RPS18: variants seen among roughly 807,000 people sequenced by gnomAD.
RPS18 encodes ribosomal protein S18.
For synonymous variants in RPS18, 64 were observed against 70.9 expected (o/e 0.90, Z 0.49); for missense variants, 49 against 200.8 (o/e 0.24, Z 4.57).
At chr6:33,272,482 G>A (rs1765276095) in intron 1 of RPS18, 146 bp from the exon 2 acceptor site, 2 of 707,540 alleles carry the variant, frequency 2.8e-6, no homozygotes, top group African/African-American at 1.7e-5. Context: ...TTGCTCTGTG[G>A]TGTGAAAACC....
intron 2 of RPS18, among the ~76,000 whole-genome samples, chr6:33,273,977 A>G (rs2150878283): frequency 6.6e-6 from 1 of 152,340 alleles, no homozygotes; most frequent in African/African-American, 2.4e-5. Context: ...ATTTATCCCG[A>G]GACAGAGTCT....
At chr6:33,273,044 G>C (rs537065967) in intron 2 of RPS18, among the ~76,000 whole-genome samples, 2 of 152,278 alleles carry the variant, frequency 1.3e-5, no homozygotes, top group Admixed American at 6.5e-5. Flanking sequence ...TTCTAGATTC[G>C]GTTTCTTTAC....
rs559940638 is a variant in RPS18 at position 33,272,827 on chromosome 6, A to G, written c.102+101A>G. 1.0e-4 allele frequency: 77 copies of G among 751,854 alleles called. No individual in the cohort carries two copies. In the African/African-American group the frequency reaches 1.2e-3, roughly 12 times the overall value. The allele number at this position is 751,854 out of a possible 1,614,324, so 46.6% of individuals were successfully genotyped here. On this transcript the variant is annotated intron_variant, in intron 2 of 5. Transcript: ENST00000439602. The stretch of plus-strand genomic sequence containing the variant: ...GGCTGGGGAGACTTGAGTCTCATCC[A>G]GATCACCTTGACTGCTGGATTAAGA...
chr6:33,275,464 T>TG, intron 2 of RPS18: 1 of 290,872 alleles, frequency 3.4e-6, no homozygotes. Context: ...TACAGGCACC[T>TG]GCCACCATGC....
At chr6:33,276,364 C>CTGTG in intron 5 of RPS18, 27 bp from the exon 6 acceptor site, 1 of 1,612,666 alleles carries the variant, frequency 6.2e-7, no homozygotes, top group Admixed American at 1.7e-5. Context: ...TGTGCATGAC[C>CTGTG]TGTGACTCTT....
Position 33,276,220 on chromosome 6 carries a change from G to A in RPS18, c.336G>A (p.Glu112=). The change falls in exon 5 of 6, where the codon GAG becomes GAA. Residue 112 remains glutamate (E), a synonymous_variant. Coordinates refer to ENST00000439602, the MANE Select transcript of RPS18 (RefSeq NM_022551.3). Reference sequence around the variant, plus strand: ...ACAACAAGCTCCGTGAAGACCTGGAGCGACTGAAGAAGATTCGGGCCCATA... The same window carrying A: ...ACAACAAGCTCCGTGAAGACCTGGAACGACTGAAGAAGATTCGGGCCCATA... ...GLDNKLREDL[E]RLKKIRAHRG... The A allele has an allele frequency of 6.2e-7, 1 of 1,614,180 alleles. No individual in the cohort carries two copies. Among genetic ancestry groups the A allele is most frequent in the South Asian group, 1.1e-5 (1 of 91,078 alleles).
At chr6:33,274,748 A>G (rs1765514027) in intron 2 of RPS18, among the ~76,000 whole-genome samples, 1 of 152,106 alleles carries the variant, frequency 6.6e-6, no homozygotes, top group Non-Finnish European at 1.5e-5. Context: ...TCTAGAGCCC[A>G]CCCTAATCAA....
chr6:33,273,351 T>G (rs1423785246), intron 2 of RPS18, among the ~76,000 whole-genome samples: 2 of 152,238 alleles, frequency 1.3e-5, no homozygotes, highest in Admixed American at 6.5e-5. Flanking sequence ...ACAAACCTAA[T>G]GAATTCTTGG....
intron 2 of RPS18, among the ~76,000 whole-genome samples, chr6:33,274,141 C>T (rs1765478045): frequency 1.3e-5 from 2 of 152,214 alleles, no homozygotes; most frequent in African/African-American, 4.8e-5. Flanking sequence ...TGGTCTTAAA[C>T]TTCTGACCTC....
Position 33,272,898 on chromosome 6 carries a change from C to T in RPS18, c.102+172C>T, listed in dbSNP as rs552263396. The stretch of plus-strand genomic sequence containing the variant: ...AGACTGACCCCTTTAGCATTTACCA[C>T]AGAAAATAAGTGATTAAAGCCAAGA... On this transcript the variant is annotated intron_variant, in intron 2 of 5. Coordinates refer to ENST00000439602, the MANE Select transcript of RPS18 (RefSeq NM_022551.3). Among the ~76,000 whole-genome samples the T allele has an allele frequency of 1.2e-4, 18 of 152,226 alleles. No individual in the cohort carries two copies. In the South Asian group the frequency reaches 3.7e-3, roughly 31 times the overall value.
intron 5 of RPS18, 34 bp downstream of exon 5, chr6:33,276,301 G>GACTCAGCATTCCTCCT: frequency 1.2e-6 from 2 of 1,605,356 alleles, no homozygotes; most frequent in Non-Finnish European, 1.7e-6. Flanking sequence ...TGCCTACCTC[G>GACTCAGCATTCCTCCT]ACTCAGCATT....
At chr6:33,275,211 CAACT>C (rs1467773674) in intron 2 of RPS18, 1 of 154,450 alleles carries the variant, frequency 6.5e-6, no homozygotes, top group African/African-American at 2.4e-5. Flanking sequence ...CACTTAGTGA[CAACT>C]ACATATGCTG....
chr6:33,276,099 A>G, intron 4 of RPS18, 33 bp downstream of exon 4: 1 of 1,605,440 alleles, frequency 6.2e-7, no homozygotes. Context: ...GATTAGAGGA[A>G]GGGTGGAGGG....
At chr6:33,273,074 G>A (rs1765350034) in intron 2 of RPS18, among the ~76,000 whole-genome samples, 1 of 152,190 alleles carries the variant, frequency 6.6e-6, no homozygotes, top group Admixed American at 6.5e-5. Flanking sequence ...CATCATAACA[G>A]CAACCCTTCC....
chr6:33,272,604 C>T (rs752705991), intron 1 of RPS18, 24 bp from the exon 2 acceptor site: 11 of 1,002,792 alleles, frequency 1.1e-5, no homozygotes, highest in Non-Finnish European at 1.8e-5. Context: ...TGTCTGATTT[C>T]TTCCCCCGTA....
At chr6:33,275,130 T>A (rs1482182454) in intron 2 of RPS18, among the ~76,000 whole-genome samples, 10 of 152,154 alleles carry the variant, frequency 6.6e-5, no homozygotes, top group Non-Finnish European at 1.5e-4. Context: ...CTGTAACTCA[T>A]AAGACCCTGG....
Position 33,272,645 on chromosome 6 carries a change from A to C in RPS18, c.21A>C (p.Glu7Asp). The change falls in exon 2 of 6, where the codon GAA becomes GAC. Residue 7 changes from glutamate to aspartate, a missense_variant. Coordinates refer to ENST00000439602, the MANE Select transcript of RPS18 (RefSeq NM_022551.3). MSLVIP[E>D]KFQHILRVLN... ...TCAACTAGTCTCTAGTGATCCCTGA[A>C]AAGTTCCAGCATATTTTGCGAGTAC... 6.5e-7 allele frequency: 1 copy of C among 1,539,160 alleles called. No homozygotes were observed. The highest frequency in any genetic ancestry group is 9.0e-7 in the Non-Finnish European group (1 of 1,111,582).
chr6:33,272,548 A>G (rs1765285085), intron 1 of RPS18, 80 bp from the exon 2 acceptor site: 5 of 783,568 alleles, frequency 6.4e-6, no homozygotes, highest in Admixed American at 1.7e-5. Context: ...ACCTTTTTGT[A>G]TGAAGTTCGT....
Position 33,275,805 on chromosome 6 carries a change from C to T in RPS18, c.111C>T (p.Gly37=). ...AFAITAIKGV[G]RRYAHVVLRK... ...CCCCTCACTTCATTCAGGGTGTGGGCCGAAGATATGCTCATGTGGTGTTGA... is the reference window on the plus strand; with the variant it reads ...CCCCTCACTTCATTCAGGGTGTGGGTCGAAGATATGCTCATGTGGTGTTGA... Residue 37 remains glycine, a synonymous_variant, in exon 3 of 6, where the codon GGC becomes GGT. Transcript: ENST00000439602. The T allele has an allele frequency of 1.9e-6, 3 of 1,609,680 alleles. No individual in the cohort carries two copies. Among genetic ancestry groups the T allele is most frequent in the Non-Finnish European group, 2.5e-6 (3 of 1,177,026 alleles).
Sources: allele counts gnomAD v4.1 joint callset (sites outside exome capture counted in the v4.1 genomes callset), GRCh38; gene constraint gnomAD v4.1.1; transcripts MANE v1.5; gene names NCBI Gene and HGNC (gene_info 2026-07-23, HGNC 2026-07-21).